The following TPH2 variants were observed in gnomAD, a reference collection of about 807,000 sequenced individuals.
The protein encoded by TPH2 is tryptophan hydroxylase 2, also known as tryptophan 5-hydroxylase 2.
A neutral mutation model predicts 59.1 loss-of-function variants in TPH2; 27 were observed. That is an observed-to-expected ratio of 0.46 (90% CI 0.34 to 0.63). TPH2 has a LOEUF of 0.63. Among genes scored for constraint, TPH2 ranks in the 30% least tolerant of loss-of-function variants. The pLI, the probability that TPH2 is intolerant of heterozygous loss-of-function variation, is 0.01. For missense variants in TPH2, 523 were observed against 588.3 expected (o/e 0.89, Z 1.15); for synonymous variants, 220 against 210.5 (o/e 1.05, Z -0.39).
intron 10 of TPH2, 28 bp downstream of exon 10, chr12:72,031,419 G>T: frequency 1.2e-6 from 2 of 1,613,274 alleles, no homozygotes; most frequent in Non-Finnish European, 1.7e-6. Flanking sequence ...CCTAGCTAGA[G>T]AAAATAACTT....
At chr12:71,987,422 G>T (rs956261296) in intron 7 of TPH2, among the ~76,000 whole-genome samples, 4 of 152,142 alleles carry the variant, frequency 2.6e-5, no homozygotes, top group African/African-American at 9.7e-5. Context: ...AAGTGATAAA[G>T]TACCTTCTCA....
At chr12:72,011,710 T>G (rs961982906) in intron 8 of TPH2, among the ~76,000 whole-genome samples, 1 of 152,170 alleles carries the variant, frequency 6.6e-6, no homozygotes, top group African/African-American at 2.4e-5. Context: ...AGTTGCTACT[T>G]GTAATGAAGG....
Position 72,020,542 on chromosome 12 carries a change from G to A in TPH2, c.1069-1857G>A, listed in dbSNP as rs571102912. ...TTGCTCTTGTTGCCCAGGCTGGAGTGTAATGGCACGAACTCAGCTCACTGC... is the reference window on the plus strand; with the variant it reads ...TTGCTCTTGTTGCCCAGGCTGGAGTATAATGGCACGAACTCAGCTCACTGC... On this transcript the variant is annotated intron_variant, in intron 8 of 10. Coordinates refer to ENST00000333850, the MANE Select transcript of TPH2 (RefSeq NM_173353.4). Among the ~76,000 whole-genome samples the A allele has an allele frequency of 5.9e-5, 9 of 152,244 alleles. No individual in the cohort carries two copies. In the East Asian group the frequency reaches 1.7e-3, roughly 29 times the overall value.
intron 5 of TPH2, chr12:71,962,150 A>G (rs1871704114): frequency 1.0e-6 from 1 of 988,546 alleles, no homozygotes. Flanking sequence ...CCTCCTCTAC[A>G]GATGAGTCCC....
chr12:71,972,688 C>G lies in TPH2; in HGVS notation c.778C>G (p.Leu260Val). ...CTACAGAGAGGACAATGTGCCTCAA[C>G]TCGAAGATGTCTCCATGTTTCTGAA... ...CGYREDNVPQ[L>V]EDVSMFLKER... The change falls in exon 6 of 11, where the codon CTC becomes GTC. Residue 260 changes from leucine to valine, a missense_variant. By Grantham distance (32) the Leu-to-Val change is conservative. Coordinates refer to ENST00000333850, the MANE Select transcript of TPH2 (RefSeq NM_173353.4). The G allele has an allele frequency of 6.2e-7, 1 of 1,614,096 alleles. No individual in the cohort carries two copies. The highest frequency in any genetic ancestry group is 8.5e-7 in the Non-Finnish European group (1 of 1,180,032).
chr12:71,948,092 C>CT (rs1871245034), intron 4 of TPH2, among the ~76,000 whole-genome samples: 1 of 152,246 alleles, frequency 6.6e-6, no homozygotes, highest in East Asian at 1.9e-4. Context: ...ATGACTGCAT[C>CT]TACCCTCTCC....
rs958594402 is a variant in TPH2, at chr12:72,031,329, C to T, written c.1236C>T (p.Ile412=). The change falls in exon 10 of 11, where the codon ATC becomes ATT. Residue 412 remains isoleucine, a synonymous_variant. Coordinates refer to ENST00000333850, the MANE Select transcript of TPH2 (RefSeq NM_173353.4). ...CAACTTGCTTACAGGAATGCCTTAT[C>T]ACCACCTTCCAGGAAGCCTACTTTG... is the stretch of plus-strand genomic sequence containing the variant. ...PKTTCLQECL[I]TTFQEAYFVS... 1.9e-6 allele frequency: 3 copies of T among 1,613,610 alleles called. No individual in the cohort carries two copies. Among genetic ancestry groups the T allele is most frequent in the Non-Finnish European group, 2.5e-6 (3 of 1,179,674 alleles).
At chr12:72,010,009 G>A (rs1380061707) in intron 8 of TPH2, among the ~76,000 whole-genome samples, 3 of 152,132 alleles carry the variant, frequency 2.0e-5, no homozygotes, top group Admixed American at 1.3e-4. Context: ...TTGAAATGGG[G>A]GATTTAGCAC....
At position 72,027,119 on chromosome 12, in the gene TPH2, A is replaced by G. The variant is rs146169255; in HGVS notation, c.1165-4139A>G. 2.7e-3 allele frequency among the ~76,000 whole-genome samples: 416 copies of G among 152,068 alleles called. 1 individual carries two copies. The highest frequency in any genetic ancestry group is 4.2e-3 in the Non-Finnish European group (287 of 67,982). ...ATAGTGAGTGTCACAGGGTTTGCAT[A>G]TAGAATAGTCGAGATAATAACTGTC... On this transcript the variant is annotated intron_variant, in intron 9 of 10. Coordinates refer to ENST00000333850, the MANE Select transcript of TPH2 (RefSeq NM_173353.4).
At chr12:71,965,342 C>G (rs1038109063) in intron 5 of TPH2, 2 of 152,170 alleles carry the variant, frequency 1.3e-5, no homozygotes, top group East Asian at 3.8e-4. Context: ...CTGCTTTTAG[C>G]TCTTTGATGA....
intron 5 of TPH2, among the ~76,000 whole-genome samples, chr12:71,967,023 T>G (rs966158461): frequency 3.9e-5 from 6 of 152,188 alleles, no homozygotes; most frequent in Non-Finnish European, 7.4e-5. Context: ...CAAATAATAG[T>G]TAAACAAAAT....
intron 8 of TPH2, among the ~76,000 whole-genome samples, chr12:72,014,540 G>A (rs527451434): frequency 7.3e-5 from 11 of 151,634 alleles, no homozygotes; most frequent in South Asian, 6.3e-4. Context: ...ACAGGCGCCC[G>A]TCCCCATGCC....
At chr12:72,021,699 T>C (rs1481550543) in intron 8 of TPH2, among the ~76,000 whole-genome samples, 1 of 152,208 alleles carries the variant, frequency 6.6e-6, no homozygotes, top group Admixed American at 6.5e-5. Context: ...TTTCAACTTA[T>C]TGGGTTTATT....
chr12:71,950,706 C>T (rs1871322092), intron 5 of TPH2, among the ~76,000 whole-genome samples: 1 of 152,120 alleles, frequency 6.6e-6, no homozygotes, highest in Non-Finnish European at 1.5e-5. Context: ...AAAGATTCGT[C>T]CTACCCCAAT....
At chr12:71,978,032 T>C (rs1657096015) in intron 6 of TPH2, among the ~76,000 whole-genome samples, 1 of 152,192 alleles carries the variant, frequency 6.6e-6, no homozygotes, top group African/African-American at 2.4e-5. Flanking sequence ...TTGCCTACAG[T>C]ATTCAGTATA....
intron 5 of TPH2, among the ~76,000 whole-genome samples, chr12:71,955,232 C>G (rs1871459955): frequency 6.6e-6 from 1 of 152,152 alleles, no homozygotes; most frequent in African/African-American, 2.4e-5. Context: ...TTCAAATCAT[C>G]CCTTAACATT....
At chr12:71,999,984 G>A (rs1872782163) in intron 8 of TPH2, among the ~76,000 whole-genome samples, 1 of 152,174 alleles carries the variant, frequency 6.6e-6, no homozygotes, top group African/African-American at 2.4e-5. Flanking sequence ...GTAGAGATAA[G>A]TATCTTATTG....
At chr12:71,970,473 A>G (rs1203950384) in intron 5 of TPH2, among the ~76,000 whole-genome samples, 1 of 152,224 alleles carries the variant, frequency 6.6e-6, no homozygotes, top group African/African-American at 2.4e-5. Context: ...ATGTTTGCAG[A>G]TTGATGTTGA....
intron 9 of TPH2, among the ~76,000 whole-genome samples, chr12:72,023,824 A>AAAAAAAAAAAAAAAAG (rs1555215108): frequency 3.2e-5 from 4 of 126,744 alleles, no homozygotes; most frequent in Admixed American, 1.8e-4. Context: ...TCTGACAGAA[A>AAAAAAAAAAAAAAAAG]AAAAAAAAAA....
Sources: gnomAD v4.1 joint callset for allele counts (sites outside exome capture counted in the v4.1 genomes callset) on GRCh38, gnomAD v4.1.1 for gene constraint, MANE v1.5 for transcripts, NCBI Gene and HGNC (gene_info 2026-07-23, HGNC 2026-07-21) for gene names.